Variants in TMIGD3 observed in about 807,000 individuals in gnomAD.
The protein encoded by TMIGD3 is AD026 protein (AD026).
In TMIGD3, 21 loss-of-function variants were observed where a neutral mutation model predicts 28.1. The ratio of observed to expected loss-of-function variants is 0.75; its 90% CI spans 0.53 to 1.08. TMIGD3 has a LOEUF of 1.08. Among genes scored for constraint, TMIGD3 ranks in the 50% least tolerant of loss-of-function variants. The pLI is 0.00. For synonymous variants in TMIGD3, 151 were observed against 162.1 expected, an observed-to-expected ratio of 0.93 and a Z score of 0.52; for missense variants, 416 against 435.6, an observed-to-expected ratio of 0.96 and a Z score of 0.40.
chr1:111,499,085 T>C (rs1239127385), intron 1 of TMIGD3, among the ~76,000 whole-genome samples: 3 of 92,034 alleles, frequency 3.3e-5, no homozygotes, highest in Non-Finnish European at 4.3e-5. Context: ...AACGAGACCT[T>C]GTCTCAAAAA....
chr1:111,518,547 C>A (rs4839140), intron 1 of TMIGD3, among the ~76,000 whole-genome samples: 38,437 of 152,152 alleles, frequency 0.25, 6,077 homozygotes, highest in Non-Finnish European at 0.35. Context: ...GAATCACTCC[C>A]AGTTGAGAAA....
At chr1:111,486,316 C>G (rs1032255148) in intron 4 of TMIGD3, among the ~76,000 whole-genome samples, 4 of 152,120 alleles carry the variant, frequency 2.6e-5, no homozygotes, top group Admixed American at 2.0e-4. Flanking sequence ...TTTGAAACAC[C>G]TCTCTCTCCT....
At chr1:111,545,469 T>C (rs1657002117) in intron 1 of TMIGD3, among the ~76,000 whole-genome samples, 1 of 152,144 alleles carries the variant, frequency 6.6e-6, no homozygotes. Context: ...TAAATTGGAT[T>C]ATTTGTCCTT....
At chr1:111,495,646 C>T (rs1006865430) in intron 1 of TMIGD3, among the ~76,000 whole-genome samples, 1 of 152,168 alleles carries the variant, frequency 6.6e-6, no homozygotes, top group East Asian at 1.9e-4. Context: ...AACTATCATT[C>T]AACCCAGCAA....
chr1:111,550,997 T>G (rs1170282618), intron 1 of TMIGD3, among the ~76,000 whole-genome samples: 1 of 152,236 alleles, frequency 6.6e-6, no homozygotes, highest in Non-Finnish European at 1.5e-5. Context: ...TTGTCTCTCA[T>G]GACAATTTTT....
At chr1:111,494,571 A>G (rs1654807952) in intron 1 of TMIGD3, among the ~76,000 whole-genome samples, 1 of 152,242 alleles carries the variant, frequency 6.6e-6, no homozygotes, top group Admixed American at 6.5e-5. Context: ...CATAGATAGG[A>G]AGAATCAATA....
chr1:111,503,509 T>C lies in TMIGD3; in HGVS notation c.-155A>G. On this transcript the variant is annotated 5_prime_UTR_variant, in exon 1 of 6. Coordinates refer to ENST00000369716, the MANE Select transcript of TMIGD3 (RefSeq NM_020683.7). Reference sequence around the variant, plus strand: ...CTTGCTCATTCCTACCCTTTTCTGGTGGGGTGATCTCTTGGAAACCCTTCT... The same window carrying C: ...CTTGCTCATTCCTACCCTTTTCTGGCGGGGTGATCTCTTGGAAACCCTTCT... 7.0e-7 allele frequency: 1 copy of C among 1,436,276 alleles called. No homozygotes were observed. Among genetic ancestry groups the C allele is most frequent in the African/African-American group, 1.4e-5 (1 of 69,812 alleles). 89.0% of individuals were successfully genotyped at this position (1,436,276 alleles called of 1,614,324 possible). A position where few individuals can be genotyped will look rare whatever the true frequency, so the allele number is the denominator to read the frequency against.
intron 4 of TMIGD3, 105 bp from the exon 5 acceptor site, chr1:111,485,945 A>G (rs1229056008): frequency 1.9e-5 from 16 of 826,900 alleles, no homozygotes; most frequent in African/African-American, 3.5e-5. Flanking sequence ...CCACCCCCCA[A>G]CCCAGTTACA....
intron 1 of TMIGD3, among the ~76,000 whole-genome samples, chr1:111,527,110 A>C (rs1167018392): frequency 7.5e-6 from 1 of 132,620 alleles, no homozygotes; most frequent in East Asian, 2.5e-4. Context: ...TCCTGGGTTT[A>C]AGTGATTCTC....
At chr1:111,502,942 C>T in intron 1 of TMIGD3, 63 bp downstream of exon 1, 1 of 1,584,162 alleles carries the variant, frequency 6.3e-7, no homozygotes, top group Non-Finnish European at 8.6e-7. Flanking sequence ...AGTCTGGGCT[C>T]TGGGCTTTGT....
Position 111,483,512 on chromosome 1 carries a change from C to G in TMIGD3, c.*175G>C. 2 of 645,300 alleles carry G rather than the reference C, an allele frequency of 3.1e-6. No individual in the cohort carries two copies. Among genetic ancestry groups the G allele is most frequent in the South Asian group, 3.3e-5 (2 of 59,802 alleles). 40.0% of individuals were successfully genotyped at this position (645,300 alleles called of 1,614,324 possible). ...GCAGCCTTGCTTGGGTGTGGTCTAT[C>G]ATAGCTCCTCTGACTACCGCCGTTG... is the stretch of plus-strand genomic sequence containing the variant. On this transcript the variant is annotated 3_prime_UTR_variant, in exon 6 of 6. Coordinates refer to ENST00000369716, the MANE Select transcript of TMIGD3 (RefSeq NM_020683.7).
At chr1:111,543,009 G>A (rs1656900455) in intron 1 of TMIGD3, among the ~76,000 whole-genome samples, 1 of 152,086 alleles carries the variant, frequency 6.6e-6, no homozygotes, top group Non-Finnish European at 1.5e-5. Flanking sequence ...CCATGTATTT[G>A]TTTTATAACC....
intron 1 of TMIGD3, among the ~76,000 whole-genome samples, chr1:111,547,204 A>G (rs904856506): frequency 6.6e-6 from 1 of 152,124 alleles, no homozygotes; most frequent in Admixed American, 6.5e-5. Flanking sequence ...ACCTTTCACC[A>G]TTAAGTATAA....
intron 1 of TMIGD3, among the ~76,000 whole-genome samples, chr1:111,554,522 G>T (rs1271817477): frequency 6.6e-6 from 1 of 152,204 alleles, no homozygotes; most frequent in Non-Finnish European, 1.5e-5. Context: ...AGGACAATAA[G>T]TCTCAGGTCT....
intron 1 of TMIGD3, among the ~76,000 whole-genome samples, chr1:111,550,057 CT>C (rs1205824504): frequency 2.0e-5 from 3 of 152,068 alleles, no homozygotes; most frequent in African/African-American, 7.2e-5. Flanking sequence ...AGTTTTAGTA[CT>C]TTGTGTGTTT....
intron 1 of TMIGD3, among the ~76,000 whole-genome samples, chr1:111,498,896 G>A (rs1417270004): frequency 2.0e-5 from 3 of 152,124 alleles, no homozygotes; most frequent in Non-Finnish European, 4.4e-5. Context: ...AGACCAGCCT[G>A]AGTAACATAA....
intron 1 of TMIGD3, among the ~76,000 whole-genome samples, chr1:111,525,077 A>C (rs1031890718): frequency 4.6e-5 from 7 of 152,224 alleles, no homozygotes; most frequent in African/African-American, 1.7e-4. Flanking sequence ...ATCCTTTTAA[A>C]TGTATTGAAA....
intron 3 of TMIGD3, among the ~76,000 whole-genome samples, 199 bp from the exon 4 acceptor site, chr1:111,486,851 C>A (rs561174423): frequency 6.6e-6 from 1 of 152,280 alleles, no homozygotes; most frequent in South Asian, 2.1e-4. Context: ...AAGCAGGGGC[C>A]GACATTTAGC....
intron 1 of TMIGD3, among the ~76,000 whole-genome samples, chr1:111,561,553 A>G (rs2101047965): frequency 6.6e-6 from 1 of 152,312 alleles, no homozygotes; most frequent in South Asian, 2.1e-4. Flanking sequence ...ACTGAGATAC[A>G]GAGGTCATAG....
Sources: gnomAD v4.1 joint callset for allele counts (sites outside exome capture counted in the v4.1 genomes callset) on GRCh38, gnomAD v4.1.1 for gene constraint, MANE v1.5 for transcripts, NCBI Gene and HGNC (gene_info 2026-07-23, HGNC 2026-07-21) for gene names.